TCF4: variants seen among roughly 807,000 people sequenced by gnomAD.
The protein encoded by TCF4 is SL3-3 enhancer factor 2.
A neutral mutation model predicts 82.1 loss-of-function variants in TCF4; 3 were observed. That is an observed-to-expected ratio of 0.04 (90% CI 0.02 to 0.09). The LOEUF is 0.09. Ranked by LOEUF, TCF4 falls within the 10% of genes least tolerant of loss-of-function variation. The probability of loss-of-function intolerance (pLI) is 1.00; values close to 1 mark genes in which losing one functional copy is unlikely to be tolerated. For missense variants in TCF4, 518 were observed against 852.7 expected (o/e 0.61, Z 4.89); for synonymous variants, 276 against 309.6 (o/e 0.89, Z 1.14).
intron 15 of TCF4, among the ~76,000 whole-genome samples, chr18:55,251,267 G>C (rs2054989134): frequency 6.6e-6 from 1 of 151,956 alleles, no homozygotes; most frequent in South Asian, 2.1e-4. Context: ...ATATCATCCA[G>C]AGAGCTTGCA....
rs1222851618 is a variant in TCF4 at position 55,397,206 on chromosome 18, TTC to T, written c.369+6246_369+6247del. 7.9e-5 allele frequency among the ~76,000 whole-genome samples: 12 copies of T among 152,318 alleles called. No homozygotes were observed. The East Asian group carries it at 2.3e-3, about 29-fold the overall frequency. On this transcript the variant is annotated intron_variant, in intron 6 of 19. Coordinates refer to ENST00000354452, the MANE Select transcript of TCF4 (RefSeq NM_001083962.2). ...TTACCAACAGCAGCATAGCTCAATA[TTC>T]TGTTGGAATGTAATTTGATATACAC...
intron 2 of TCF4, among the ~76,000 whole-genome samples, chr18:55,610,604 C>G (rs1284676505): frequency 6.6e-6 from 1 of 152,090 alleles, no homozygotes; most frequent in African/African-American, 2.4e-5. Flanking sequence ...TCCATTGATT[C>G]CAAATTCAGA....
At chr18:55,585,832 T>C in intron 2 of TCF4, 1 of 1,141,378 alleles carries the variant, frequency 8.8e-7, no homozygotes, top group Non-Finnish European at 1.1e-6. Context: ...TCTCATTTCG[T>C]CTCTAACAGG....
intron 6 of TCF4, among the ~76,000 whole-genome samples, chr18:55,354,699 G>C (rs1412221645): frequency 6.6e-6 from 1 of 152,102 alleles, no homozygotes; most frequent in Non-Finnish European, 1.5e-5. Context: ...TAAAAAGGAA[G>C]ATTATATTTA....
chr18:55,275,799 G>A (rs1230518641), intron 9 of TCF4, 47 bp from the exon 10 acceptor site: 2 of 1,612,960 alleles, frequency 1.2e-6, no homozygotes, highest in Non-Finnish European at 1.7e-6. Flanking sequence ...ATTCAGCCTT[G>A]CCTTATAGAA....
chr18:55,391,953 A>ATTT (rs2093144707), intron 6 of TCF4, among the ~76,000 whole-genome samples: 1 of 107,006 alleles, frequency 9.3e-6, no homozygotes, highest in Non-Finnish European at 1.9e-5. Context: ...AAAAAAAAAA[A>ATTT]TCTTTTTTTT....
upstream of TCF4, chr18:55,588,320 G>A: frequency 2.0e-6 from 3 of 1,474,308 alleles, no homozygotes; most frequent in Non-Finnish European, 2.7e-6. Flanking sequence ...CAAAGAAATG[G>A]GTGGGGGGGC....
chr18:55,282,692 T>C (rs897275014), intron 8 of TCF4, among the ~76,000 whole-genome samples: 2 of 151,438 alleles, frequency 1.3e-5, no homozygotes, highest in East Asian at 3.9e-4. Flanking sequence ...CTTCAAAGAG[T>C]TGGAATTATT....
At chr18:55,605,157 G>A (rs2097701101) in intron 2 of TCF4, among the ~76,000 whole-genome samples, 1 of 152,200 alleles carries the variant, frequency 6.6e-6, no homozygotes, top group African/African-American at 2.4e-5. Context: ...ATGGTCTGGA[G>A]GTTGGGCCAG....
At chr18:55,536,493 T>C (rs547077558) in intron 3 of TCF4, among the ~76,000 whole-genome samples, 155 of 152,316 alleles carry the variant, frequency 1.0e-3, no homozygotes, top group South Asian at 2.1e-3. Context: ...AAGCATACTT[T>C]CAGAACTTGG....
intron 2 of TCF4, among the ~76,000 whole-genome samples, chr18:55,609,548 G>A (rs185799901): frequency 2.6e-5 from 4 of 152,294 alleles, no homozygotes; most frequent in East Asian, 3.9e-4. Context: ...TGTGTGTACA[G>A]AGGAACGTGA....
chr18:55,479,992 T>C (rs746459340), intron 3 of TCF4, among the ~76,000 whole-genome samples: 8 of 152,098 alleles, frequency 5.3e-5, no homozygotes, highest in Non-Finnish European at 8.8e-5. Flanking sequence ...CTCTTAGCAT[T>C]TCCTCCCTCT....
At chr18:55,577,183 A>ATGTATATATACATTTATATATTTATAT (rs1603624176) in intron 3 of TCF4, among the ~76,000 whole-genome samples, 2 of 142,804 alleles carry the variant, frequency 1.4e-5, no homozygotes, top group Admixed American at 7.2e-5. Context: ...TATATTTATA[A>ATGTATATATACATTTATATATTTATAT]ATGTATATAT....
intron 2 of TCF4, among the ~76,000 whole-genome samples, chr18:55,621,780 AATAT>A (rs1010815353): frequency 7.7e-5 from 7 of 91,218 alleles, no homozygotes; most frequent in African/African-American, 3.1e-4. Flanking sequence ...TATATAATAT[AATAT>A]ATATTATATA....
chr18:55,438,913 G>C (rs2095385161), intron 5 of TCF4, among the ~76,000 whole-genome samples: 1 of 152,190 alleles, frequency 6.6e-6, no homozygotes, highest in Non-Finnish European at 1.5e-5. Context: ...AGCAAAGACA[G>C]ATTAATGCTG....
intron 5 of TCF4, chr18:55,452,424 T>G (rs1603474958): frequency 6.6e-6 from 1 of 152,450 alleles, no homozygotes; most frequent in South Asian, 2.1e-4. Context: ...GTAAGTTCCC[T>G]GGAAACTGTT....
chr18:55,228,631 C>G (rs11152294), intron 18 of TCF4, among the ~76,000 whole-genome samples: 2 of 152,066 alleles, frequency 1.3e-5, no homozygotes, highest in African/African-American at 2.4e-5. Context: ...GGGAAAGTTG[C>G]AATATAATCT....
upstream of TCF4, chr18:55,589,686 A>G: frequency 9.7e-7 from 1 of 1,035,336 alleles, no homozygotes; most frequent in Non-Finnish European, 1.2e-6. Context: ...GTGTCTCATC[A>G]TCATCATCCT....
intron 8 of TCF4, among the ~76,000 whole-genome samples, chr18:55,298,814 A>G (rs1157471369): frequency 6.6e-6 from 1 of 152,178 alleles, no homozygotes; most frequent in African/African-American, 2.4e-5. Context: ...CTGTTGAAAA[A>G]GTGATTATTT....
Sources: allele counts gnomAD v4.1 joint callset (sites outside exome capture counted in the v4.1 genomes callset), GRCh38; gene constraint gnomAD v4.1.1; transcripts MANE v1.5; gene names NCBI Gene and HGNC (gene_info 2026-07-23, HGNC 2026-07-21).